Variants in SEC16B observed in about 807,000 individuals in gnomAD.
SEC16B encodes the protein protein transport protein Sec16B.
In SEC16B, 115 loss-of-function variants were observed where a neutral mutation model predicts 141.8. That is an observed-to-expected ratio of 0.81 (90% CI 0.70 to 0.95). The LOEUF is 0.95. SEC16B is among the 40% of genes least tolerant of loss of function. SEC16B has a pLI of 0.00. For synonymous variants in SEC16B, 493 were observed against 492.5 expected, an observed-to-expected ratio of 1.00 and a Z score of -0.01; for missense variants, 1,291 against 1,312.3, an observed-to-expected ratio of 0.98 and a Z score of 0.25.
At position 177,975,958 on chromosome 1, in the gene SEC16B, C is replaced by T. The variant is rs149573052; in HGVS notation, c.-58-7919G>A. On this transcript the variant is annotated intron_variant and NMD_transcript_variant, in intron 1 of 24. Transcript: ENST00000528461. ...GTTCTAGTTATTAGGAGGGAGTGTG[C>T]CAAGAAAAGATGGTGCCTGTGCCAG... Among the ~76,000 whole-genome samples the T allele has an allele frequency of 1.4e-3, 219 of 152,190 alleles. 1 individual carries two copies. Among genetic ancestry groups the T allele is most frequent in the African/African-American group, 5.2e-3 (216 of 41,544 alleles).
chr1:177,963,674 A>C (rs1653267441), intron 5 of SEC16B, among the ~76,000 whole-genome samples: 1 of 152,212 alleles, frequency 6.6e-6, no homozygotes, highest in African/African-American at 2.4e-5. Context: ...TAAAATAAAA[A>C]GTTTATTTTA....
At chr1:177,968,729 C>T (rs1244415369) in intron 1 of SEC16B, among the ~76,000 whole-genome samples, 3 of 152,124 alleles carry the variant, frequency 2.0e-5, no homozygotes, top group Non-Finnish European at 4.4e-5. Flanking sequence ...TTTTCTGAAT[C>T]CTTACATTAA....
rs1650580131 is a variant in SEC16B, at chr1:177,933,242, T to C, written c.2795A>G (p.Glu932Gly). 3 of 1,592,368 alleles carry C rather than the reference T, an allele frequency of 1.9e-6. No homozygotes were observed. Among genetic ancestry groups the C allele is most frequent in the Non-Finnish European group, 2.6e-6 (3 of 1,169,346 alleles). ...AGAGTCAGGGCTGTCTGAGGAGTCC[T>C]CGTCTCCAGCGGGGGATGCGTTCTT... ...PTKNASPAGDEDSSDSPDSEE... is the reference protein window; with the variant it reads ...PTKNASPAGDGDSSDSPDSEE... The change falls in exon 22 of 26, where the codon GAG becomes GGG. Residue 932 changes from glutamate to glycine, a missense_variant. This residue lies in a region of SEC16B where 605 missense variants were observed against 614.1 expected (regional missense o/e 0.99). Transcript: ENST00000308284.
At chr1:177,968,172 C>T in intron 1 of SEC16B, 133 bp from the exon 2 acceptor site, 2 of 499,986 alleles carry the variant, frequency 4.0e-6, no homozygotes, top group Non-Finnish European at 3.5e-6. Flanking sequence ...GTCACGGATA[C>T]AGAGAAATCT....
Position 177,929,024 on chromosome 1 carries a change from T to C in SEC16B, c.*834A>G, listed in dbSNP as rs1650229352. 1 of 152,536 alleles carries C rather than the reference T, an allele frequency of 6.6e-6. No homozygotes were observed. The highest frequency in any genetic ancestry group is 2.1e-4 in the South Asian group (1 of 4,830). The allele number at this position is 152,536 out of a possible 1,614,324, so 9.4% of individuals were successfully genotyped here. On this transcript the variant is annotated 3_prime_UTR_variant, in exon 26 of 26. Coordinates refer to ENST00000308284, the MANE Select transcript of SEC16B (RefSeq NM_033127.4). ...ACTCCAGTGACCCTCTGAACATCAA[T>C]TTGCAAAGGCCTGAGGTAGAAAGGG...
Position 177,958,261 on chromosome 1 carries a change from G to T in SEC16B, c.1236C>A (p.Thr412=), listed in dbSNP as rs376183957. The change falls in exon 10 of 26, where the codon ACC becomes ACA. Residue 412 remains threonine, a synonymous_variant. Coordinates refer to ENST00000308284, the MANE Select transcript of SEC16B (RefSeq NM_033127.4). ...QPPVANLINL[T]DEDWPVLSSG... is the part of the protein sequence containing the mutation. ...AGCTCAGCACTGGCCAGTCCTCATC[G>T]GTCAGGTTGATGAGGTTGGCCACAG... 3.7e-6 allele frequency: 6 copies of T among 1,610,568 alleles called. No individual in the cohort carries two copies. The highest frequency in any genetic ancestry group is 8.5e-7 in the Non-Finnish European group (1 of 1,178,320).
At chr1:177,937,578 C>A in intron 18 of SEC16B, 65 bp from the exon 19 acceptor site, 1 of 1,317,024 alleles carries the variant, frequency 7.6e-7, no homozygotes, top group Non-Finnish European at 1.0e-6. Context: ...ACTGATCACA[C>A]CAGAAACATT....
chr1:177,960,495 G>C, intron 7 of SEC16B, 92 bp from the exon 8 acceptor site: 1 of 907,984 alleles, frequency 1.1e-6, no homozygotes, highest in Non-Finnish European at 1.8e-6. Context: ...AGGCCGTGGG[G>C]CTAGGATATG....
chr1:177,972,437 C>A (rs1018377867), upstream of SEC16B, among the ~76,000 whole-genome samples: 1 of 152,150 alleles, frequency 6.6e-6, no homozygotes, highest in Non-Finnish European at 1.5e-5. Context: ...CAATCCCCAC[C>A]AGGAGGTGGA....
chr1:177,939,449 CA>C (rs1651110615), intron 18 of SEC16B, among the ~76,000 whole-genome samples: 1 of 152,062 alleles, frequency 6.6e-6, no homozygotes, highest in South Asian at 2.1e-4. Flanking sequence ...CAGTGCAACA[CA>C]AAAAACACTC....
rs1041379318 is a variant in SEC16B at position 177,929,615 on chromosome 1, A to G, written c.*243T>C. The stretch of plus-strand genomic sequence containing the variant: ...TCACTCTGCTCATGTGCAGTCTGCT[A>G]TTAGACCCAGACTTTCCACCTGATG... On this transcript the variant is annotated 3_prime_UTR_variant, in exon 26 of 26. Coordinates refer to ENST00000308284, the MANE Select transcript of SEC16B (RefSeq NM_033127.4). 12 of 518,194 alleles carry G rather than the reference A, an allele frequency of 2.3e-5. No homozygotes were observed. The East Asian group carries it at 2.4e-4, about 10-fold the overall frequency. The allele number at this position is 518,194 out of a possible 1,614,324, so 32.1% of individuals were successfully genotyped here.
intron 5 of SEC16B, 146 bp downstream of exon 5, chr1:177,964,025 G>A (rs1355541284): frequency 1.4e-5 from 8 of 582,848 alleles, no homozygotes; most frequent in East Asian, 6.2e-5. Flanking sequence ...AGGCATGGGC[G>A]GAGGTTCTGC....
intron 3 of SEC16B, 77 bp downstream of exon 3, chr1:177,965,816 C>A: frequency 1.2e-6 from 1 of 857,966 alleles, no homozygotes; most frequent in South Asian, 1.6e-5. Flanking sequence ...AACATGGCTC[C>A]TTTGGTCTCT....
At chr1:177,961,054 G>T in intron 6 of SEC16B, 115 bp from the exon 7 acceptor site, 1 of 1,162,936 alleles carries the variant, frequency 8.6e-7, no homozygotes. Context: ...ACCAAAATAA[G>T]ATTCTGGGTG....
At chr1:177,983,076 A>G (rs966009912) in intron 1 of SEC16B, among the ~76,000 whole-genome samples, 3 of 152,194 alleles carry the variant, frequency 2.0e-5, no homozygotes, top group African/African-American at 7.2e-5. Context: ...GATCCATTTC[A>G]GAAATAAAGC....
At position 177,940,772 on chromosome 1, in the gene SEC16B, G is replaced by C. The variant is rs186051902; in HGVS notation, c.2023-58C>G. The C allele has an allele frequency of 2.7e-4, 333 of 1,217,648 alleles. 2 individuals carry two copies. Among genetic ancestry groups the C allele is most frequent in the South Asian group, 4.6e-4 (35 of 75,672 alleles). The allele number at this position is 1,217,648 out of a possible 1,614,324, so 75.4% of individuals were successfully genotyped here. A position where few individuals can be genotyped will look rare whatever the true frequency, so the allele number is the denominator to read the frequency against. On this transcript the variant is annotated intron_variant, in intron 16 of 25. Transcript: ENST00000308284. ...AAAGTAAGAGAGGAGAGGAGAGAGA[G>C]GGAAGAGAAATGGAAAGACAACGGG...
chr1:177,930,293 A>G (rs928292279), intron 25 of SEC16B, among the ~76,000 whole-genome samples: 1 of 152,186 alleles, frequency 6.6e-6, no homozygotes, highest in Admixed American at 6.5e-5. Context: ...AAGAGCTATT[A>G]AAATTTAAAC....
At chr1:177,956,369 A>G (rs1051523814) in intron 10 of SEC16B, among the ~76,000 whole-genome samples, 2 of 152,082 alleles carry the variant, frequency 1.3e-5, no homozygotes, top group African/African-American at 4.8e-5. Flanking sequence ...CAACTCTAAT[A>G]TAGAGTGTTT....
chr1:177,961,708 A>T lies in SEC16B; in HGVS notation c.669T>A (p.Leu223=). 6.2e-7 allele frequency: 1 copy of T among 1,613,858 alleles called. No individual in the cohort carries two copies. The highest frequency in any genetic ancestry group is 8.5e-7 in the Non-Finnish European group (1 of 1,179,864). Reference sequence around the variant, plus strand: ...TGAGACCAGACTCACGCTGCTGGAGAAGGTTGGACTCACTAGCCAATGATG... The same window carrying T: ...TGAGACCAGACTCACGCTGCTGGAGTAGGTTGGACTCACTAGCCAATGATG... The part of the protein sequence containing the change: ...NKPSLASESN[L]LQQRESGLSS... The change falls in exon 6 of 26, where the codon CTT becomes CTA. Residue 223 remains leucine, a synonymous_variant. Transcript: ENST00000308284.
Sources: gnomAD v4.1 joint callset for allele counts (sites outside exome capture counted in the v4.1 genomes callset) on GRCh38, gnomAD v4.1.1 for gene constraint, gnomAD v4.1.1 regional missense constraint, MANE v1.5 for transcripts, NCBI Gene and HGNC (gene_info 2026-07-23, HGNC 2026-07-21) for gene names.